The following RAB3GAP1 variants were observed in gnomAD, a reference collection of about 807,000 sequenced individuals.
The protein encoded by RAB3GAP1 is RAB3 GTPase activating protein catalytic subunit 1, also known as rab3 GTPase-activating protein catalytic subunit.
A neutral mutation model predicts 130.7 loss-of-function variants in RAB3GAP1; 86 were observed. The observed-to-expected ratio is 0.66, with a 90% CI of 0.55 to 0.79. The LOEUF is 0.79. RAB3GAP1 is among the 30% of genes least tolerant of loss of function. The pLI, the probability that RAB3GAP1 is intolerant of heterozygous loss-of-function variation, is 0.00. For synonymous variants in RAB3GAP1, 367 were observed against 401.7 expected (o/e 0.91, Z 1.03); for missense variants, 1,029 against 1,169.4 (o/e 0.88, Z 1.75).
At position 135,052,307 on chromosome 2, in the gene RAB3GAP1, G is replaced by C; in HGVS notation, c.-1G>C. 2 of 1,613,732 alleles carry C rather than the reference G, an allele frequency of 1.2e-6. No individual in the cohort carries two copies. Among genetic ancestry groups the C allele is most frequent in the South Asian group, 1.1e-5 (1 of 91,062 alleles). ...TAGCGCCAGGCCCGGCGCTCCTCAA[G>C]ATGGCTGCCGACAGTGAGGTGATTT... On this transcript the variant is annotated 5_prime_UTR_variant, in exon 1 of 24. Coordinates refer to ENST00000264158, the MANE Select transcript of RAB3GAP1 (RefSeq NM_012233.3).
intron 3 of RAB3GAP1, among the ~76,000 whole-genome samples, chr2:135,079,478 G>A (rs1463273788): frequency 6.6e-6 from 1 of 152,138 alleles, no homozygotes; most frequent in Non-Finnish European, 1.5e-5. Flanking sequence ...GTCTGAACTA[G>A]GACTGATATT....
chr2:135,058,194 C>T (rs1020822675), intron 3 of RAB3GAP1, 108 bp downstream of exon 3: 13 of 920,136 alleles, frequency 1.4e-5, no homozygotes, highest in Admixed American at 4.0e-5. Flanking sequence ...TTTAAAGTTA[C>T]GTATAATCTA....
intron 3 of RAB3GAP1, among the ~76,000 whole-genome samples, chr2:135,090,683 A>C (rs992754258): frequency 2.6e-4 from 40 of 152,206 alleles, no homozygotes; most frequent in African/African-American, 9.2e-4. Flanking sequence ...CTGGTGTCAA[A>C]AAATGCTATA....
chr2:135,083,651 G>A (rs1689891615), intron 3 of RAB3GAP1, among the ~76,000 whole-genome samples: 1 of 150,820 alleles, frequency 6.6e-6, no homozygotes, highest in Non-Finnish European at 1.5e-5. Context: ...TTTTCGGTTA[G>A]GGATGGAGTG....
chr2:135,124,337 G>T, intron 9 of RAB3GAP1, 91 bp downstream of exon 9: 2 of 1,283,650 alleles, frequency 1.6e-6, no homozygotes, highest in East Asian at 4.7e-5. Context: ...TGATGCTATA[G>T]CTTGCTGGGA....
intron 3 of RAB3GAP1, among the ~76,000 whole-genome samples, chr2:135,080,087 C>T (rs1006509641): frequency 1.4e-4 from 20 of 144,820 alleles, no homozygotes; most frequent in African/African-American, 4.7e-4. Context: ...ACAGCACTCC[C>T]GCCTGGGCGA....
chr2:135,129,913 G>A (rs927762487), intron 11 of RAB3GAP1, 82 bp from the exon 12 acceptor site: 101 of 922,494 alleles, frequency 1.1e-4, no homozygotes, highest in Admixed American at 5.7e-4. Context: ...AATAGCTTTT[G>A]TGGAAAGATG....
Position 135,135,884 on chromosome 2 carries a change from A to G in RAB3GAP1, c.1875A>G (p.Lys625=), listed in dbSNP as rs2104952099. 1 of 1,614,068 alleles carries G rather than the reference A, an allele frequency of 6.2e-7. No homozygotes were observed. Among genetic ancestry groups the G allele is most frequent in the East Asian group, 2.2e-5 (1 of 44,882 alleles). The change falls in exon 17 of 24, where the codon AAA becomes AAG. Residue 625 remains lysine, a synonymous_variant. Coordinates refer to ENST00000264158, the MANE Select transcript of RAB3GAP1 (RefSeq NM_012233.3). Reference sequence around the variant, plus strand: ...AAGGACGGCTCTATCAGCATGGGAAACTTACACTGCTGCATAATGGAGAAC... The same window carrying G: ...AAGGACGGCTCTATCAGCATGGGAAGCTTACACTGCTGCATAATGGAGAAC... ...RPEGRLYQHG[K]LTLLHNGEPL... is the part of the protein sequence containing the mutation.
chr2:135,098,036 C>G (rs1690349753), intron 5 of RAB3GAP1, among the ~76,000 whole-genome samples: 1 of 152,192 alleles, frequency 6.6e-6, no homozygotes, highest in Non-Finnish European at 1.5e-5. Flanking sequence ...CTTACCAGCA[C>G]TTGGTATTGT....
intron 14 of RAB3GAP1, 35 bp from the exon 15 acceptor site, chr2:135,133,826 A>G: frequency 1.3e-6 from 2 of 1,591,064 alleles, no homozygotes; most frequent in South Asian, 2.2e-5. Flanking sequence ...TATTTTGGTA[A>G]CAAGTTTGCT....
In RAB3GAP1 at chr2:135,168,667, T is replaced by G; in HGVS notation, c.2832T>G (p.Thr944=). 6.2e-7 allele frequency: 1 copy of G among 1,614,186 alleles called. No individual in the cohort carries two copies. Among genetic ancestry groups the G allele is most frequent in the South Asian group, 1.1e-5 (1 of 91,082 alleles). ...PAGREFILRT[T]VPRPAPYSKA... is the part of the protein sequence containing the mutation. Reference sequence around the variant, plus strand: ...GCCGGGAATTCATTTTGCGCACCACTGTGCCGCGCCCTGCTCCCTACTCCA... The same window carrying G: ...GCCGGGAATTCATTTTGCGCACCACGGTGCCGCGCCCTGCTCCCTACTCCA... The change falls in exon 24 of 24, where the codon ACT becomes ACG. Residue 944 remains threonine (T), a synonymous_variant. Coordinates refer to ENST00000264158, the MANE Select transcript of RAB3GAP1 (RefSeq NM_012233.3).
chr2:135,067,579 C>T (rs1689356838), intron 3 of RAB3GAP1, among the ~76,000 whole-genome samples: 1 of 152,142 alleles, frequency 6.6e-6, no homozygotes, highest in Admixed American at 6.5e-5. Flanking sequence ...CTTTAAGAGG[C>T]AGAATAGCAC....
intron 3 of RAB3GAP1, among the ~76,000 whole-genome samples, chr2:135,060,907 T>C (rs536915357): frequency 3.2e-4 from 49 of 151,930 alleles, no homozygotes; most frequent in African/African-American, 1.0e-3. Context: ...TTTCACCACG[T>C]TGGCCAGGCT....
At chr2:135,069,588 A>G (rs1263669902) in intron 3 of RAB3GAP1, among the ~76,000 whole-genome samples, 1 of 152,208 alleles carries the variant, frequency 6.6e-6, no homozygotes, top group Non-Finnish European at 1.5e-5. Flanking sequence ...GATGTGTTTA[A>G]GATATGTTTA....
rs566102679 is a variant in RAB3GAP1, at chr2:135,148,976, TG to T, written c.1924-1390del. ...TCCCTTACCCCTCTCAGTGATCCCA[TG>T]GGTCCATGAATATAAGAATGCTTTG... On this transcript the variant is annotated intron_variant, in intron 17 of 23. Transcript: ENST00000264158. Among the ~76,000 whole-genome samples the T allele has an allele frequency of 3.3e-3, 496 of 152,310 alleles. 4 individuals carry two copies. Among genetic ancestry groups the T allele is most frequent in the African/African-American group, 0.011 (455 of 41,566 alleles).
intron 17 of RAB3GAP1, among the ~76,000 whole-genome samples, chr2:135,148,145 A>G (rs1222156062): frequency 5.9e-5 from 9 of 152,060 alleles, no homozygotes. Flanking sequence ...AGTCCATTTT[A>G]CTTTCTTATT....
At chr2:135,117,489 T>TCTTCTTCTTCTTCTTCTTCTG (rs1558784174) in intron 7 of RAB3GAP1, among the ~76,000 whole-genome samples, 1 of 123,348 alleles carries the variant, frequency 8.1e-6, no homozygotes, top group African/African-American at 3.2e-5. Flanking sequence ...TTCTGCTTCT[T>TCTTCTTCTTCTTCTTCTTCTG]CTTCTGCTTC....
chr2:135,157,831 CA>C (rs58810979), intron 19 of RAB3GAP1, among the ~76,000 whole-genome samples: 32,641 of 87,162 alleles, frequency 0.37, 4,904 homozygotes, highest in African/African-American at 0.52. Context: ...GAATCCATCT[CA>C]AAAAAAAAAA....
At chr2:135,139,585 A>G (rs527583193) in intron 17 of RAB3GAP1, among the ~76,000 whole-genome samples, 7 of 152,048 alleles carry the variant, frequency 4.6e-5, no homozygotes, top group South Asian at 2.1e-4. Context: ...AATCTTTAGT[A>G]TACTGCTTGG....
Sources: gnomAD v4.1 joint callset for allele counts (sites outside exome capture counted in the v4.1 genomes callset) on GRCh38, gnomAD v4.1.1 for gene constraint, MANE v1.5 for transcripts, NCBI Gene and HGNC (gene_info 2026-07-23, HGNC 2026-07-21) for gene names.